Variants in WDR90 observed in about 807,000 individuals in gnomAD.
WDR90 encodes the protein WD repeat domain 90.
In WDR90, 238 loss-of-function variants were observed where a neutral mutation model predicts 195.2. The observed-to-expected ratio is 1.22, with a 90% CI of 1.10 to 1.36. The LOEUF (loss-of-function observed/expected upper bound fraction) is 1.36. WDR90 is among the 40% of genes most tolerant of loss of function. The pLI, the probability that WDR90 is intolerant of heterozygous loss-of-function variation, is 0.00. For synonymous variants in WDR90, 1,265 were observed against 1,052.4 expected, an observed-to-expected ratio of 1.20 and a Z score of -3.91; for missense variants, 2,734 against 2,439.5, an observed-to-expected ratio of 1.12 and a Z score of -2.54.
rs753421203 is a variant in WDR90, at chr16:658,934, C to G, written c.2934C>G (p.Ala978=). ...IGHSEPVQAV[A]FSPDQQQVLS... ...ACTCGGAACCCGTGCAGGCTGTGGC[C>G]TTCTCTCCTGACCAGCAGCAGGTCC... is the stretch of plus-strand genomic sequence containing the variant. The change falls in exon 24 of 41, where the codon GCC becomes GCG. Residue 978 remains alanine (A), a synonymous_variant. Transcript: ENST00000293879. The G allele has an allele frequency of 7.4e-6, 12 of 1,612,774 alleles. No individual in the cohort carries two copies. In the South Asian group the frequency reaches 1.1e-4, roughly 15 times the overall value.
In WDR90 at chr16:660,116, G is replaced by T; in HGVS notation, c.3243G>T (p.Lys1081Asn). Residue 1081 changes from lysine to asparagine, a missense_variant, in exon 27 of 41, where the codon AAG becomes AAT. Physicochemically the swap from Lys to Asn is moderately conservative, Grantham distance 94 (BLOSUM62 0). Transcript: ENST00000293879. ...APRTTYLASC[K>N]AFTPARVSCS... ...GCACCACCTACCTGGCTTCCTGCAA[G>T]GCCTTCACGCCTGCCAGGGTCAGCT... is the stretch of plus-strand genomic sequence containing the variant. The T allele has an allele frequency of 6.5e-7, 1 of 1,546,454 alleles. No individual in the cohort carries two copies. The highest frequency in any genetic ancestry group is 2.4e-5 in the East Asian group (1 of 41,158).
Position 661,113 on chromosome 16 carries a change from C to T in WDR90, c.3454C>T (p.Gln1152Ter), listed in dbSNP as rs750287684. ...GGAGGACCTGCACTCTGGCGCCCAG[C>T]AGCACTGGTCCGGCCACTCTGCGGA... ...VVEDLHSGAQ[Q>*]HWSGHSAEIS... Residue 1152 changes from glutamine to a stop codon, truncating the protein, a stop_gained, in exon 29 of 41, where the codon CAG (glutamine) becomes TAG (stop). Transcript: ENST00000293879. LOFTEE classifies it high-confidence loss of function. 33 of 1,563,850 alleles carry T rather than the reference C, an allele frequency of 2.1e-5. No individual in the cohort carries two copies. The highest frequency in any genetic ancestry group is 1.4e-4 in the African/African-American group (10 of 72,280).
Position 659,938 on chromosome 16 carries a change from C to T in WDR90, c.3185-120C>T, listed in dbSNP as rs866153290. Reference sequence around the variant, plus strand: ...TGCGTCTGTGGCTCCGGCCTGTGCCCCGCCGTGCAGTTCTCACTGTGTGGT... The same window carrying T: ...TGCGTCTGTGGCTCCGGCCTGTGCCTCGCCGTGCAGTTCTCACTGTGTGGT... On this transcript the variant is annotated intron_variant, in intron 26 of 40. Coordinates refer to ENST00000293879, the MANE Select transcript of WDR90 (RefSeq NM_145294.5). 7.7e-6 allele frequency: 6 copies of T among 777,524 alleles called. No individual in the cohort carries two copies. In the Middle Eastern group the frequency reaches 1.4e-3, roughly 182 times the overall value. 48.2% of individuals were successfully genotyped at this position (777,524 alleles called of 1,614,324 possible). A position where few individuals can be genotyped will look rare whatever the true frequency, so the allele number is the denominator to read the frequency against.
At position 658,242 on chromosome 16, in the gene WDR90, G is replaced by A. The variant is rs2151267844; in HGVS notation, c.2664G>A (p.Met888Ile). The A allele has an allele frequency of 6.2e-7, 1 of 1,612,604 alleles. No individual in the cohort carries two copies. Among genetic ancestry groups the A allele is most frequent in the Non-Finnish European group, 8.5e-7 (1 of 1,179,888 alleles). ...CCAGCAGCCGCCTGGACTCAGCCAT[G>A]GCTGTGTGCTTTGGCCCTGCAGCTC... is the stretch of plus-strand genomic sequence containing the variant. ...DLASSRLDSA[M>I]AVCFGPAALG... is the part of the protein sequence containing the mutation. Residue 888 changes from methionine (M) to isoleucine (I), a missense_variant, in exon 22 of 41, where the codon ATG becomes ATA. Transcript: ENST00000293879.
Position 649,860 on chromosome 16 carries a change from C to T in WDR90, c.102+6C>T. 6.3e-7 allele frequency: 1 copy of T among 1,576,684 alleles called. No homozygotes were observed. The highest frequency in any genetic ancestry group is 8.6e-7 in the Non-Finnish European group (1 of 1,161,770). Reference sequence around the variant, plus strand: ...GGGACGTGGCCGTGGTCACGGTAGGCGGCCGGGGGCTCGCCCGGAGCCCAC... The same window carrying T: ...GGGACGTGGCCGTGGTCACGGTAGGTGGCCGGGGGCTCGCCCGGAGCCCAC... On this transcript the variant is annotated splice_donor_region_variant and intron_variant, in intron 2 of 40. Transcript: ENST00000293879.
In WDR90 at chr16:658,979, C is replaced by T; in HGVS notation, c.2979C>T (p.Val993=). 6.2e-7 allele frequency: 1 copy of T among 1,613,004 alleles called. No homozygotes were observed. The highest frequency in any genetic ancestry group is 2.2e-5 in the East Asian group (1 of 44,874). ...QQQVLSAGDA[V]FLWDVLAPTE... is the part of the protein sequence containing the mutation. ...AGGTCCTCAGCGCAGGGGACGCCGTCTTCCTCTGGGATGTCCTGGCCCCTA... is the reference window on the plus strand; with the variant it reads ...AGGTCCTCAGCGCAGGGGACGCCGTTTTCCTCTGGGATGTCCTGGCCCCTA... Residue 993 remains valine (V), a synonymous_variant, in exon 24 of 41, where the codon GTC becomes GTT. Transcript: ENST00000293879.
chr16:650,083 G>A lies in WDR90; in HGVS notation c.195G>A (p.Leu65=), dbSNP rs1256033614. ...TCCCTAAGAGCAGCACCCAGTCTCT[G>A]GGGCTGACGGGACGATACCTGTATG... The part of the protein sequence containing the change: ...IQLPKSSTQS[L]GLTGRYLYVL... Residue 65 remains leucine (L), a synonymous_variant, in exon 3 of 41, where the codon CTG becomes CTA. Coordinates refer to ENST00000293879, the MANE Select transcript of WDR90 (RefSeq NM_145294.5). The A allele has an allele frequency of 6.2e-7, 1 of 1,613,028 alleles. No homozygotes were observed. The highest frequency in any genetic ancestry group is 1.1e-5 in the South Asian group (1 of 91,088).
Position 667,602 on chromosome 16 carries a change from A to G in WDR90, c.*13A>G, listed in dbSNP as rs1356356989. 3 of 1,604,554 alleles carry G rather than the reference A, an allele frequency of 1.9e-6. No individual in the cohort carries two copies. Among genetic ancestry groups the G allele is most frequent in the Admixed American group, 1.7e-5 (1 of 59,972 alleles). ...CCCCGGCCTCTGAGATGCAGCAGGG[A>G]CTGTGGTGGTGGGCATCACGCCTGG... On this transcript the variant is annotated 3_prime_UTR_variant, in exon 41 of 41. Transcript: ENST00000293879.
At chr16:657,288 C>T (rs2037780085) in intron 20 of WDR90, 67 bp downstream of exon 20, 4 of 1,466,786 alleles carry the variant, frequency 2.7e-6, no homozygotes, top group South Asian at 1.4e-5. Context: ...TGGTGCAGGC[C>T]CACACCTGGA....
chr16:651,126 A>G, intron 6 of WDR90, 23 bp downstream of exon 6: 1 of 1,267,264 alleles, frequency 7.9e-7, no homozygotes, highest in Non-Finnish European at 1.1e-6. Context: ...GCTTCTTTCG[A>G]GGGAGGCCTC....
chr16:657,058 C>T lies in WDR90; in HGVS notation c.2343-33C>T, dbSNP rs776404686. On this transcript the variant is annotated intron_variant, in intron 19 of 40. Transcript: ENST00000293879. ...AACCCATGGTACCTGGGCTTCGGGG[C>T]TAGGGCCAGCGGGGTCCCTGTGTGT... 83 of 1,592,078 alleles carry T rather than the reference C, an allele frequency of 5.2e-5. 3 individuals carry two copies. In the Admixed American group the frequency reaches 1.3e-3, roughly 25 times the overall value.
Position 665,596 on chromosome 16 carries a change from C to T in WDR90, c.4312-83C>T, listed in dbSNP as rs556313215. ...ATGCTCTGGTTTGGACAGCCCGGCCCTGGGGGCTGGAATAGGAAATGCCTG... is the reference window on the plus strand; with the variant it reads ...ATGCTCTGGTTTGGACAGCCCGGCCTTGGGGGCTGGAATAGGAAATGCCTG... On this transcript the variant is annotated intron_variant, in intron 34 of 40. Coordinates refer to ENST00000293879, the MANE Select transcript of WDR90 (RefSeq NM_145294.5). 3.7e-5 allele frequency: 59 copies of T among 1,605,404 alleles called. No individual in the cohort carries two copies. In the African/African-American group the frequency reaches 7.1e-4, roughly 19 times the overall value.
chr16:661,250 T>C (rs2151318371), intron 29 of WDR90, 78 bp downstream of exon 29: 8 of 1,525,912 alleles, frequency 5.2e-6, no homozygotes, highest in Middle Eastern at 2.3e-4. Flanking sequence ...CGGTGCGGGT[T>C]CTCACCACCA....
chr16:660,973 G>GC, intron 28 of WDR90, 78 bp from the exon 29 acceptor site: 1 of 128,050 alleles, frequency 7.8e-6, no homozygotes, highest in Non-Finnish European at 9.8e-6. Context: ...CCCGCCCCCT[G>GC]TTCGGCCCCT....
rs1269831788 is a variant in WDR90 at position 650,041 on chromosome 16, C to T, written c.153C>T (p.Ala51=). 11 of 1,612,750 alleles carry T rather than the reference C, an allele frequency of 6.8e-6. No individual in the cohort carries two copies. The highest frequency in any genetic ancestry group is 1.6e-4 in the Middle Eastern group (1 of 6,082). The part of the protein sequence containing the change: ...AVYRIRGSVS[A]ANYIQLPKSS... Reference sequence around the variant, plus strand: ...ATCGCATTCGGGGCTCAGTCTCTGCCGCCAACTACATCCAGCTCCCTAAGA... The same window carrying T: ...ATCGCATTCGGGGCTCAGTCTCTGCTGCCAACTACATCCAGCTCCCTAAGA... Residue 51 remains alanine, a synonymous_variant, in exon 3 of 41, where the codon GCC becomes GCT. Transcript: ENST00000293879.
rs749583527 is a variant in WDR90, at chr16:666,908, G to A, written c.5008G>A (p.Val1670Met). The stretch of plus-strand genomic sequence containing the variant: ...GCCTCACGCTGGCTGCTCACAGGTG[G>A]TGGAGAAGATACCACTGCCCTTTTT... ...IIYNLCQKQV[V>M]EKIPLPFFAM... is the part of the protein sequence containing the mutation. The change falls in exon 40 of 41, where the codon GTG (valine) becomes ATG (methionine). Residue 1670 changes from valine (V) to methionine (M), a missense_variant. Transcript: ENST00000293879. 2.5e-6 allele frequency: 4 copies of A among 1,613,162 alleles called. No homozygotes were observed. The highest frequency in any genetic ancestry group is 2.2e-5 in the South Asian group (2 of 91,076).
At chr16:655,211 C>T (rs543014926) in intron 14 of WDR90, 64 bp downstream of exon 14, 23 of 1,612,214 alleles carry the variant, frequency 1.4e-5, no homozygotes, top group East Asian at 2.2e-5. Flanking sequence ...GGCCGAGGCC[C>T]GAGCACCTCC....
At chr16:659,050 C>T (rs199544528) in intron 24 of WDR90, 36 bp from the exon 25 acceptor site, 1 of 1,613,078 alleles carries the variant, frequency 6.2e-7, no homozygotes, top group African/African-American at 1.3e-5. Flanking sequence ...CTAGGCCCCC[C>T]AGGCCCTCCT....
rs1314703969 is a variant in WDR90, at chr16:661,330, C to T, written c.3514-12C>T. 6.3e-7 allele frequency: 1 copy of T among 1,587,554 alleles called. No individual in the cohort carries two copies. Among genetic ancestry groups the T allele is most frequent in the African/African-American group, 1.3e-5 (1 of 74,614 alleles). On this transcript the variant is annotated splice_polypyrimidine_tract_variant and intron_variant, in intron 29 of 40. Transcript: ENST00000293879. ...CGGCCTCCCCACTCACGCCTGGCCT[C>T]TTGCCTGCCAGGTCCTGGCCTCTGC... is the stretch of plus-strand genomic sequence containing the variant.
Sources: gnomAD v4.1 joint callset for allele counts on GRCh38, gnomAD v4.1.1 for gene constraint, MANE v1.5 for transcripts, NCBI Gene and HGNC (gene_info 2026-07-23, HGNC 2026-07-21) for gene names.